Variants in RNF139 observed in about 807,000 individuals in gnomAD.
RNF139 encodes the protein E3 ubiquitin-protein ligase RNF139.
RNF139 carries 15 observed loss-of-function variants against 49.5 expected under a neutral mutation model. The ratio of observed to expected loss-of-function variants is 0.30; its 90% CI spans 0.20 to 0.47. The LOEUF (loss-of-function observed/expected upper bound fraction) is 0.47, where lower values mean the gene tolerates loss of function less well. Among genes scored for constraint, RNF139 ranks in the 20% least tolerant of loss-of-function variants. The pLI, the probability that RNF139 is intolerant of heterozygous loss-of-function variation, is 1.00. For missense variants in RNF139, 619 were observed against 806.3 expected (o/e 0.77, Z 2.81); for synonymous variants, 325 against 300.9 (o/e 1.08, Z -0.83).
intron 1 of RNF139, among the ~76,000 whole-genome samples, chr8:124,483,108 TTAAAA>T (rs1350378368): frequency 0.026 from 2 of 76 alleles, no homozygotes; most frequent in Admixed American, 0.1. Context: ...AATATATATA[TTAAAA>T]ATATATATAT....
At chr8:124,482,970 T>TTTTTAAATATATATA (rs1563631061) in intron 1 of RNF139, among the ~76,000 whole-genome samples, 1 of 92,578 alleles carries the variant, frequency 1.1e-5, no homozygotes, top group East Asian at 2.8e-4. Context: ...TATATATATA[T>TTTTTAAATATATATA]TATTTAAATA....
intron 1 of RNF139, among the ~76,000 whole-genome samples, chr8:124,475,922 T>C (rs936880735): frequency 5.9e-5 from 9 of 152,242 alleles, no homozygotes; most frequent in African/African-American, 2.2e-4. Context: ...TAAAAAGTGA[T>C]GAGACATTTG....
intron 1 of RNF139, among the ~76,000 whole-genome samples, chr8:124,482,544 G>A (rs1816431845): frequency 6.6e-6 from 1 of 152,050 alleles, no homozygotes. Context: ...GGTTTTCCAT[G>A]TAGAGAATGT....
chr8:124,485,772 A>G, intron 1 of RNF139, 59 bp from the exon 2 acceptor site: 1 of 1,351,488 alleles, frequency 7.4e-7, no homozygotes. Context: ...CATAACTCTT[A>G]GTGGGGAAAC....
intron 1 of RNF139, among the ~76,000 whole-genome samples, chr8:124,480,626 G>T (rs1407018970): frequency 6.6e-6 from 1 of 152,124 alleles, no homozygotes. Flanking sequence ...GTCCTTTTGG[G>T]CTTCTATGGA....
intron 1 of RNF139, among the ~76,000 whole-genome samples, chr8:124,478,750 G>C (rs1271493094): frequency 7.0e-6 from 1 of 143,242 alleles, no homozygotes; most frequent in Non-Finnish European, 1.5e-5. Flanking sequence ...GACGGAGTTT[G>C]CTCTTGTTGC....
At chr8:124,479,896 T>C (rs779030330) in intron 1 of RNF139, among the ~76,000 whole-genome samples, 2 of 152,178 alleles carry the variant, frequency 1.3e-5, no homozygotes, top group Non-Finnish European at 2.9e-5. Context: ...ATACTAGATG[T>C]CTACCTTATG....
At chr8:124,475,330 C>A in intron 1 of RNF139, 40 bp downstream of exon 1, 1 of 1,570,060 alleles carries the variant, frequency 6.4e-7, no homozygotes, top group South Asian at 1.1e-5. Flanking sequence ...GACGGCTATG[C>A]GGGCCGAGAC....
At chr8:124,479,820 A>G (rs561566468) in intron 1 of RNF139, among the ~76,000 whole-genome samples, 3 of 152,310 alleles carry the variant, frequency 2.0e-5, no homozygotes, top group African/African-American at 7.2e-5. Context: ...ATAGAATTGA[A>G]GTACATTGAG....
In RNF139 at chr8:124,484,072, C is replaced by G. The variant is rs75049989; in HGVS notation, c.182-1759C>G. ...TGCAGGTATGCTGAAAGAACAGTTT[C>G]TATCAAAGAAAGTAGGTTTCTAGGA... On this transcript the variant is annotated intron_variant, in intron 1 of 1. Transcript: ENST00000303545. Among the ~76,000 whole-genome samples, 524 of 152,298 alleles carry G rather than the reference C, an allele frequency of 3.4e-3. 5 individuals carry two copies. Among genetic ancestry groups the G allele is most frequent in the Non-Finnish European group, 5.1e-3 (350 of 68,024 alleles).
intron 1 of RNF139, among the ~76,000 whole-genome samples, chr8:124,482,954 A>G (rs1405511030): frequency 1.0e-5 from 1 of 95,396 alleles, no homozygotes; most frequent in African/African-American, 3.7e-5. Context: ...ATATATATAT[A>G]TATAATATAT....
chr8:124,483,108 T>TA (rs374409699), intron 1 of RNF139, among the ~76,000 whole-genome samples: 8 of 78 alleles, frequency 0.1, 3 homozygotes, highest in Non-Finnish European at 0.24. Flanking sequence ...AATATATATA[T>TA]TAAAAATATA....
intron 1 of RNF139, among the ~76,000 whole-genome samples, chr8:124,479,144 G>T (rs1453933984): frequency 6.6e-6 from 1 of 152,080 alleles, no homozygotes; most frequent in Non-Finnish European, 1.5e-5. Flanking sequence ...AGGCTGGAGT[G>T]CAGTGGCGTG....
intron 1 of RNF139, among the ~76,000 whole-genome samples, chr8:124,482,399 T>A (rs1816428832): frequency 6.6e-6 from 1 of 152,080 alleles, no homozygotes; most frequent in South Asian, 2.1e-4. Context: ...TTGACAAAAA[T>A]AATTTACAGT....
Position 124,487,694 on chromosome 8 carries a change from A to G in RNF139, c.*50A>G. 1 of 1,525,862 alleles carries G rather than the reference A, an allele frequency of 6.6e-7. No individual in the cohort carries two copies. Among genetic ancestry groups the G allele is most frequent in the Non-Finnish European group, 8.8e-7 (1 of 1,137,630 alleles). 94.5% of individuals were successfully genotyped at this position (1,525,862 alleles called of 1,614,324 possible). A position where few individuals can be genotyped will look rare whatever the true frequency, so the allele number is the denominator to read the frequency against. ...GAGGTATTTGTTTAAAATTCAGTTC[A>G]TCCAAAATGGAGTAATATCCTTCAC... On this transcript the variant is annotated 3_prime_UTR_variant, in exon 2 of 2. Coordinates refer to ENST00000303545, the MANE Select transcript of RNF139 (RefSeq NM_007218.4).
In RNF139 at chr8:124,488,191, G is replaced by A. The variant is rs926274692; in HGVS notation, c.*547G>A. On this transcript the variant is annotated 3_prime_UTR_variant, in exon 2 of 2. Transcript: ENST00000303545. Reference sequence around the variant, plus strand: ...TTGAGTAGCAGTGTAATTGAGCTGAGTTTGAAAGTCCTGATTCAGAGAGAG... The same window carrying A: ...TTGAGTAGCAGTGTAATTGAGCTGAATTTGAAAGTCCTGATTCAGAGAGAG... Among the ~76,000 whole-genome samples the A allele has an allele frequency of 2.0e-5, 3 of 152,188 alleles. No homozygotes were observed. Among genetic ancestry groups the A allele is most frequent in the African/African-American group, 7.2e-5 (3 of 41,460 alleles).
At chr8:124,478,422 G>C (rs1265348481) in intron 1 of RNF139, among the ~76,000 whole-genome samples, 1 of 151,864 alleles carries the variant, frequency 6.6e-6, no homozygotes, top group Non-Finnish European at 1.5e-5. Context: ...TTTGACACCA[G>C]CTTGGCCAAA....
chr8:124,474,978 C>A lies in RNF139; in HGVS notation c.-132C>A, dbSNP rs576163304. On this transcript the variant is annotated 5_prime_UTR_variant, in exon 1 of 2. Transcript: ENST00000303545. The surrounding 1 kb of genome is among the most constrained non-coding windows in gnomAD (Gnocchi z 4.6). ...GACGCGAGCGGGCGGCGGGGCTGGCCGTGAGAGAGACAGGAGAGGAAGGAG... is the reference window on the plus strand; with the variant it reads ...GACGCGAGCGGGCGGCGGGGCTGGCAGTGAGAGAGACAGGAGAGGAAGGAG... The A allele has an allele frequency of 1.9e-6, 1 of 514,730 alleles. No homozygotes were observed. Among genetic ancestry groups the A allele is most frequent in the Non-Finnish European group, 2.9e-6 (1 of 346,728 alleles). The allele number at this position is 514,730 out of a possible 1,614,324, so 31.9% of individuals were successfully genotyped here. A position where few individuals can be genotyped will look rare whatever the true frequency, so the allele number is the denominator to read the frequency against.
At chr8:124,480,809 G>GC (rs1256330830) in intron 1 of RNF139, among the ~76,000 whole-genome samples, 2 of 152,054 alleles carry the variant, frequency 1.3e-5, no homozygotes, top group East Asian at 3.9e-4. Flanking sequence ...CTATCTAGGG[G>GC]CCCCCAGGCA....
Sources: allele counts gnomAD v4.1 joint callset (sites outside exome capture counted in the v4.1 genomes callset), GRCh38; gene constraint gnomAD v4.1.1; non-coding constraint Gnocchi (gnomAD v3.1); transcripts MANE v1.5; gene names NCBI Gene and HGNC (gene_info 2026-07-23, HGNC 2026-07-21).